EPHA5: variants seen among roughly 807,000 people sequenced by gnomAD.
EPHA5 encodes the protein ephrin type-A receptor 5.
Under a neutral mutation model 105.0 loss-of-function variants are expected in EPHA5, and 60 were observed. The ratio of observed to expected loss-of-function variants is 0.57; its 90% CI spans 0.46 to 0.71. The LOEUF is 0.71. Ranked by LOEUF, EPHA5 falls within the 30% of genes least tolerant of loss-of-function variation. The pLI, the probability that EPHA5 is intolerant of heterozygous loss-of-function variation, is 0.00. For missense variants in EPHA5, 1,218 were observed against 1,274.7 expected (o/e 0.96, Z 0.68); for synonymous variants, 513 against 449.1 (o/e 1.14, Z -1.80).
At chr4:65,346,228 TAA>T (rs1449259723) in intron 14 of EPHA5, among the ~76,000 whole-genome samples, 1 of 152,108 alleles carries the variant, frequency 6.6e-6, no homozygotes, top group African/African-American at 2.4e-5. Context: ...AATGCTTTAT[TAA>T]GTCTCATTGT....
chr4:65,465,578 G>A (rs13126185), intron 5 of EPHA5, among the ~76,000 whole-genome samples: 1 of 134,522 alleles, frequency 7.4e-6, no homozygotes, highest in East Asian at 2.0e-4. Flanking sequence ...GGAAGGAAAG[G>A]AAGGAAAGGA....
intron 3 of EPHA5, among the ~76,000 whole-genome samples, chr4:65,519,951 C>T (rs1290200459): frequency 6.6e-6 from 1 of 152,088 alleles, no homozygotes; most frequent in East Asian, 1.9e-4. Flanking sequence ...GGCCATACTG[C>T]CCAAAGTAAT....
At chr4:65,576,038 G>T (rs1306426928) in intron 3 of EPHA5, among the ~76,000 whole-genome samples, 1 of 74,410 alleles carries the variant, frequency 1.3e-5, no homozygotes, top group Non-Finnish European at 2.7e-5. Flanking sequence ...AAGAAAGAAA[G>T]AAAGAAAGAA....
At chr4:65,574,651 TACACATATATATATAC>T (rs1740640951) in intron 3 of EPHA5, among the ~76,000 whole-genome samples, 2 of 112,100 alleles carry the variant, frequency 1.8e-5, no homozygotes, top group African/African-American at 6.3e-5. Flanking sequence ...CACATATATA[TACACATATATATATAC>T]ACATATATAT....
chr4:65,425,520 T>C (rs932922970), intron 5 of EPHA5, among the ~76,000 whole-genome samples: 1 of 152,102 alleles, frequency 6.6e-6, no homozygotes, highest in African/African-American at 2.4e-5. Flanking sequence ...GTATTTTCAG[T>C]AAAGACTCTG....
intron 3 of EPHA5, among the ~76,000 whole-genome samples, chr4:65,537,963 T>C (rs1736450959): frequency 6.6e-6 from 1 of 151,748 alleles, no homozygotes; most frequent in Non-Finnish European, 1.5e-5. Flanking sequence ...CACAGTCACC[T>C]ATATTGGGGT....
intron 3 of EPHA5, among the ~76,000 whole-genome samples, chr4:65,499,603 C>A (rs536527452): frequency 3.3e-5 from 5 of 151,530 alleles, no homozygotes; most frequent in African/African-American, 9.6e-5. Context: ...ATTTGACATG[C>A]CCTCTTTTAG....
chr4:65,420,610 TA>T (rs1246392626), intron 5 of EPHA5, 45 bp from the exon 6 acceptor site: 2 of 1,585,968 alleles, frequency 1.3e-6, no homozygotes, highest in Non-Finnish European at 1.7e-6. Flanking sequence ...AATAAGGCCC[TA>T]AAAGTAAACC....
rs895791798 is a variant in EPHA5, at chr4:65,477,916, CT to C, written c.1402+12460del. Among the ~76,000 whole-genome samples the C allele has an allele frequency of 2.6e-5, 4 of 152,204 alleles. No individual in the cohort carries two copies. The South Asian group carries it at 6.2e-4, about 24-fold the overall frequency. On this transcript the variant is annotated intron_variant, in intron 5 of 16. Coordinates refer to ENST00000613740, the MANE Select transcript of EPHA5 (RefSeq NM_001281766.3). The stretch of plus-strand genomic sequence containing the variant: ...AGAAGGAACAGAAGGCCCTGACGTG[CT>C]TTTTTGGAAATGAGGTGAGTCTCTG...
intron 14 of EPHA5, among the ~76,000 whole-genome samples, chr4:65,337,791 T>C (rs954734917): frequency 8.6e-5 from 13 of 152,012 alleles, no homozygotes; most frequent in African/African-American, 3.1e-4. Context: ...ACAGCTGATG[T>C]AGTTTATATC....
intron 2 of EPHA5, among the ~76,000 whole-genome samples, chr4:65,626,545 T>A (rs1054923593): frequency 3.3e-5 from 5 of 152,238 alleles, no homozygotes; most frequent in African/African-American, 1.2e-4. Flanking sequence ...AGAACTTGGA[T>A]AAATATTTTT....
chr4:65,498,834 G>C (rs903981020), intron 3 of EPHA5, among the ~76,000 whole-genome samples: 1 of 151,588 alleles, frequency 6.6e-6, no homozygotes, highest in Non-Finnish European at 1.5e-5. Context: ...AAACCTGTGT[G>C]GTTCAATATT....
chr4:65,609,807 T>C (rs957908696), intron 2 of EPHA5, among the ~76,000 whole-genome samples: 1 of 142,154 alleles, frequency 7.0e-6, no homozygotes, highest in African/African-American at 3.1e-5. Flanking sequence ...GAACAGTTTA[T>C]GATTTAATCA....
At chr4:65,358,576 G>A (rs1340201876) in intron 11 of EPHA5, among the ~76,000 whole-genome samples, 1 of 151,492 alleles carries the variant, frequency 6.6e-6, no homozygotes, top group Non-Finnish European at 1.5e-5. Context: ...ATAGGATCTT[G>A]TACTTGTAGT....
At chr4:65,405,611 C>T (rs1170703249) in intron 7 of EPHA5, among the ~76,000 whole-genome samples, 2 of 152,080 alleles carry the variant, frequency 1.3e-5, no homozygotes, top group Admixed American at 6.6e-5. Flanking sequence ...TATTCTAGAC[C>T]AGTAGTTAGA....
At chr4:65,574,741 TAC>T (rs1560718390) in intron 3 of EPHA5, among the ~76,000 whole-genome samples, 79 of 97,208 alleles carry the variant, frequency 8.1e-4, no homozygotes, top group South Asian at 1.2e-3. Context: ...CATATATATA[TAC>T]ATATATATAT....
intron 8 of EPHA5, among the ~76,000 whole-genome samples, chr4:65,401,832 A>C (rs1721855831): frequency 6.6e-6 from 1 of 152,130 alleles, no homozygotes; most frequent in South Asian, 2.1e-4. Context: ...TACAAATGAG[A>C]CATTATACTA....
At chr4:65,573,351 C>T (rs1315385193) in intron 3 of EPHA5, 2 of 613,244 alleles carry the variant, frequency 3.3e-6, no homozygotes. Context: ...GCAGAGCTTG[C>T]AATGAGCTGA....
At chr4:65,372,554 A>C (rs1486891603) in intron 8 of EPHA5, among the ~76,000 whole-genome samples, 1 of 151,890 alleles carries the variant, frequency 6.6e-6, no homozygotes, top group African/African-American at 2.4e-5. Context: ...AAGGGCAACT[A>C]ATCTATTTTT....
Sources: gnomAD v4.1 joint callset for allele counts (sites outside exome capture counted in the v4.1 genomes callset) on GRCh38, gnomAD v4.1.1 for gene constraint, MANE v1.5 for transcripts, NCBI Gene and HGNC (gene_info 2026-07-23, HGNC 2026-07-21) for gene names.